Variants in PPP1R12A observed in about 807,000 individuals in gnomAD.
The protein encoded by PPP1R12A is protein phosphatase 1 regulatory subunit 12A, also known as myosin binding subunit.
Under a neutral mutation model 139.6 loss-of-function variants are expected in PPP1R12A, and 19 were observed. The observed-to-expected ratio is 0.14, with a 90% CI of 0.09 to 0.20. The LOEUF is 0.20. Ranked by LOEUF, PPP1R12A falls within the 10% of genes least tolerant of loss-of-function variation. The pLI is 1.00. For missense variants in PPP1R12A, 925 were observed against 1,211.5 expected (o/e 0.76, Z 3.51); for synonymous variants, 427 against 420.6 (o/e 1.02, Z -0.19).
At chr12:79,924,554 G>A (rs1239860460) in intron 1 of PPP1R12A, among the ~76,000 whole-genome samples, 1 of 151,664 alleles carries the variant, frequency 6.6e-6, no homozygotes, top group African/African-American at 2.4e-5. Context: ...TCAGCCTCCT[G>A]AGTAGCTGGG....
intron 2 of PPP1R12A, among the ~76,000 whole-genome samples, chr12:79,854,839 T>A (rs975264790): frequency 6.6e-6 from 1 of 151,746 alleles, no homozygotes; most frequent in Non-Finnish European, 1.5e-5. Flanking sequence ...GCCCAGCTGA[T>A]TTTTTTGTTG....
intron 1 of PPP1R12A, among the ~76,000 whole-genome samples, chr12:79,905,979 T>G (rs961015371): frequency 6.6e-6 from 1 of 152,180 alleles, no homozygotes. Flanking sequence ...GTTTAATACA[T>G]TCCTTCATTT....
intron 1 of PPP1R12A, among the ~76,000 whole-genome samples, chr12:79,903,177 C>T (rs980303021): frequency 2.6e-5 from 4 of 152,044 alleles, no homozygotes; most frequent in African/African-American, 7.2e-5. Context: ...ATAGGCCGGG[C>T]GTGGTGGCTC....
intron 1 of PPP1R12A, among the ~76,000 whole-genome samples, chr12:79,888,123 T>C (rs1239226679): frequency 6.6e-6 from 1 of 152,140 alleles, no homozygotes; most frequent in African/African-American, 2.4e-5. Flanking sequence ...CTGGTAGGAA[T>C]ACAATGGTGA....
Position 79,785,576 on chromosome 12 carries a change from G to T in PPP1R12A, c.2907+798C>A, listed in dbSNP as rs150524668. On this transcript the variant is annotated intron_variant, in intron 22 of 24. Coordinates refer to ENST00000450142, the MANE Select transcript of PPP1R12A (RefSeq NM_002480.3). ...TGCTTTCAGCTGGATTCTAAGAGTT[G>T]TGCTGCAGAAATACGTTTATGCTAG... Among the ~76,000 whole-genome samples, 33 of 152,266 alleles carry T rather than the reference G, an allele frequency of 2.2e-4. No homozygotes were observed. In the East Asian group the frequency reaches 4.6e-3, roughly 21 times the overall value.
intron 22 of PPP1R12A, 102 bp from the exon 23 acceptor site, chr12:79,781,964 G>T: frequency 1.8e-6 from 1 of 568,594 alleles, no homozygotes; most frequent in Non-Finnish European, 3.1e-6. Flanking sequence ...ATATTCAAGT[G>T]GAGTAAAACA....
chr12:79,869,866 C>G (rs929658669), intron 2 of PPP1R12A, among the ~76,000 whole-genome samples: 1 of 151,430 alleles, frequency 6.6e-6, no homozygotes, highest in Non-Finnish European at 1.5e-5. Context: ...TGACCATATG[C>G]CCCAGTTTCT....
chr12:79,862,269 A>G (rs977429331), intron 2 of PPP1R12A, among the ~76,000 whole-genome samples: 1 of 152,202 alleles, frequency 6.6e-6, no homozygotes, highest in African/African-American at 2.4e-5. Flanking sequence ...GAATAGTATC[A>G]ATATCAACAA....
intron 2 of PPP1R12A, among the ~76,000 whole-genome samples, chr12:79,863,968 T>A (rs1393571022): frequency 6.6e-6 from 1 of 152,158 alleles, no homozygotes; most frequent in Admixed American, 6.5e-5. Context: ...GGACTTGAAC[T>A]CAGCTCTGGA....
intron 3 of PPP1R12A, among the ~76,000 whole-genome samples, chr12:79,844,084 T>C (rs1879104211): frequency 1.3e-5 from 2 of 152,104 alleles, no homozygotes; most frequent in African/African-American, 4.8e-5. Context: ...TTACATAGCA[T>C]TTAAAGTGTA....
chr12:79,794,190 A>G (rs531770809), intron 18 of PPP1R12A, among the ~76,000 whole-genome samples: 1 of 152,106 alleles, frequency 6.6e-6, no homozygotes, highest in Non-Finnish European at 1.5e-5. Flanking sequence ...TAACTTTTCT[A>G]TATTAAAAAT....
intron 1 of PPP1R12A, among the ~76,000 whole-genome samples, chr12:79,921,293 AAGG>A (rs1887417740): frequency 6.6e-6 from 1 of 152,148 alleles, no homozygotes; most frequent in East Asian, 1.9e-4. Context: ...ATCATGTAAG[AAGG>A]AGGACAGATC....
At chr12:79,877,906 T>C (rs1021280884) in intron 1 of PPP1R12A, among the ~76,000 whole-genome samples, 27 of 152,276 alleles carry the variant, frequency 1.8e-4, no homozygotes, top group African/African-American at 6.5e-4. Context: ...ATCCTCAGTA[T>C]AAGAATATAA....
upstream of PPP1R12A, chr12:79,935,370 G>T (rs927566302): frequency 2.0e-4 from 200 of 999,694 alleles, no homozygotes; most frequent in African/African-American, 3.3e-3. Flanking sequence ...GGAGGAAGCG[G>T]GGAAGGAAGG....
At chr12:79,888,090 G>A (rs1175689455) in intron 1 of PPP1R12A, among the ~76,000 whole-genome samples, 1 of 152,138 alleles carries the variant, frequency 6.6e-6, no homozygotes, top group African/African-American at 2.4e-5. Context: ...CTGAGTGTCT[G>A]CTACAGCCAG....
intron 1 of PPP1R12A, among the ~76,000 whole-genome samples, chr12:79,898,381 G>A (rs12818560): frequency 0.083 from 12,687 of 152,198 alleles, 1,354 homozygotes; most frequent in African/African-American, 0.25. Context: ...GCTTGAACCC[G>A]GGACGTGGAG....
chr12:79,906,729 C>G (rs922737967), intron 1 of PPP1R12A, among the ~76,000 whole-genome samples: 1 of 152,086 alleles, frequency 6.6e-6, no homozygotes. Flanking sequence ...CTGCAACTTC[C>G]GCCTCCCAGG....
intron 3 of PPP1R12A, among the ~76,000 whole-genome samples, chr12:79,833,085 T>G (rs1877627983): frequency 6.6e-6 from 1 of 152,132 alleles, no homozygotes; most frequent in Admixed American, 6.6e-5. Flanking sequence ...GCACTTACTC[T>G]AAGCACTACC....
intron 1 of PPP1R12A, among the ~76,000 whole-genome samples, chr12:79,910,564 T>C (rs1886488621): frequency 6.6e-6 from 1 of 152,124 alleles, no homozygotes; most frequent in African/African-American, 2.4e-5. Flanking sequence ...AAAAAACTTT[T>C]CCAATCTTAT....
Sources: gnomAD v4.1 joint callset for allele counts (sites outside exome capture counted in the v4.1 genomes callset) on GRCh38, gnomAD v4.1.1 for gene constraint, MANE v1.5 for transcripts, NCBI Gene and HGNC (gene_info 2026-07-23, HGNC 2026-07-21) for gene names.